Variants in GOSR2 observed in about 807,000 individuals in gnomAD.
GOSR2 encodes the protein golgi SNAP receptor complex member 2, also known as 27 kDa Golgi SNARE protein.
In GOSR2, 20 loss-of-function variants were observed where a neutral mutation model predicts 27.9. The ratio of observed to expected loss-of-function variants is 0.72; its 90% CI spans 0.50 to 1.04. The LOEUF (loss-of-function observed/expected upper bound fraction) is 1.04, where lower values mean the gene tolerates loss of function less well. Ranked by LOEUF, GOSR2 falls within the 50% of genes least tolerant of loss-of-function variation. The pLI is 0.00. For missense variants in GOSR2, 261 were observed against 270.5 expected (o/e 0.97, Z 0.25); for synonymous variants, 91 against 98.8 (o/e 0.92, Z 0.47).
chr17:46,953,309 G>C (rs1311931462), intron 6 of GOSR2, among the ~76,000 whole-genome samples: 2 of 151,340 alleles, frequency 1.3e-5, no homozygotes, highest in Non-Finnish European at 2.9e-5. Flanking sequence ...TTGGTTTTTT[G>C]TCCTTGCAAT....
At chr17:46,943,785 A>G (rs2089577392), downstream of GOSR2, among the ~76,000 whole-genome samples, 1 of 152,238 alleles carries the variant, frequency 6.6e-6, no homozygotes, top group Non-Finnish European at 1.5e-5. Flanking sequence ...TGACTGCAGT[A>G]AAAGAGGAGA....
At chr17:46,925,832 A>G (rs924617853) in intron 1 of GOSR2, among the ~76,000 whole-genome samples, 1 of 152,206 alleles carries the variant, frequency 6.6e-6, no homozygotes, top group Non-Finnish European at 1.5e-5. Context: ...TCCTGAACCT[A>G]CCTGAACAAT....
At chr17:46,961,673 A>C (rs577275926) in intron 6 of GOSR2, among the ~76,000 whole-genome samples, 1 of 152,366 alleles carries the variant, frequency 6.6e-6, no homozygotes, top group East Asian at 1.9e-4. Context: ...TTTTTAAAAA[A>C]GGTCCAGCTG....
At chr17:46,931,323 A>G in intron 3 of GOSR2, 116 bp downstream of exon 3, 1 of 712,236 alleles carries the variant, frequency 1.4e-6, no homozygotes, top group Non-Finnish European at 2.6e-6. Flanking sequence ...AAAAACTATG[A>G]CTATGCAAAG....
chr17:46,924,682 C>A (rs1371492929), intron 1 of GOSR2, among the ~76,000 whole-genome samples: 1 of 152,132 alleles, frequency 6.6e-6, no homozygotes, highest in Non-Finnish European at 1.5e-5. Flanking sequence ...AAATACAGAA[C>A]CTACTTTGTA....
chr17:46,966,143 C>T (rs946194487), intron 6 of GOSR2, among the ~76,000 whole-genome samples: 3 of 152,154 alleles, frequency 2.0e-5, no homozygotes, highest in South Asian at 4.1e-4. Context: ...AGTACTATTT[C>T]GTGATTGAGG....
chr17:46,936,766 T>C (rs2088449926), intron 5 of GOSR2: 1 of 983,140 alleles, frequency 1.0e-6, no homozygotes, highest in Non-Finnish European at 1.2e-6. Context: ...CTGATTGTAT[T>C]GTCACTATCT....
rs2076778766 is a variant in GOSR2, at chr17:46,940,768, T to C, written c.*2008T>C. Reference sequence around the variant, plus strand: ...TGCTGCACCTTCAGAGCCAGTCCTCTAGTTTGGAATAAAAATTGCAGAGGT... The same window carrying C: ...TGCTGCACCTTCAGAGCCAGTCCTCCAGTTTGGAATAAAAATTGCAGAGGT... On this transcript the variant is annotated 3_prime_UTR_variant, in exon 6 of 6. Transcript: ENST00000640051. The C allele has an allele frequency of 6.5e-7, 1 of 1,527,374 alleles. No homozygotes were observed. Among genetic ancestry groups the C allele is most frequent in the African/African-American group, 1.4e-5 (1 of 72,774 alleles). The allele number at this position is 1,527,374 out of a possible 1,614,324, so 94.6% of individuals were successfully genotyped here.
chr17:46,966,731 C>T (rs1386250261), exon 7 of GOSR2: 1 of 470,492 alleles, frequency 2.1e-6, no homozygotes, highest in African/African-American at 2.0e-5. Context: ...GTGACTTGAG[C>T]AATTTGTGCC....
chr17:46,961,780 T>C (rs2091065808), intron 6 of GOSR2, among the ~76,000 whole-genome samples: 1 of 152,132 alleles, frequency 6.6e-6, no homozygotes, highest in African/African-American at 2.4e-5. Flanking sequence ...AAAGCTAGTA[T>C]AGAAATATTA....
intron 5 of GOSR2, chr17:46,938,116 C>G (rs1392292690): frequency 9.7e-6 from 2 of 205,566 alleles, no homozygotes; most frequent in African/African-American, 2.4e-5. Context: ...TCCCACCCAC[C>G]CCTCCCAGAG....
chr17:46,937,159 T>G (rs1412773177), intron 5 of GOSR2: 1 of 152,188 alleles, frequency 6.6e-6, no homozygotes, highest in Non-Finnish European at 1.5e-5. Flanking sequence ...TTTGGGTTGT[T>G]GGTTTAGGAA....
intron 4 of GOSR2, chr17:46,932,613 A>G (rs1405334458): frequency 1.1e-5 from 4 of 363,340 alleles, no homozygotes; most frequent in African/African-American, 8.2e-5. Context: ...GTGTGGCTCC[A>G]GTGTCAGGTG....
chr17:46,932,519 A>G, intron 4 of GOSR2: 1 of 573,388 alleles, frequency 1.7e-6, no homozygotes, highest in Non-Finnish European at 3.1e-6. Context: ...TCAGATAGAG[A>G]CAGATGATTA....
chr17:46,941,430 A>G lies in GOSR2; in HGVS notation c.*2670A>G, dbSNP rs2147096299. On this transcript the variant is annotated 3_prime_UTR_variant, in exon 6 of 6. Transcript: ENST00000640051. ...AATGGCCCCCTTTTTTTATGTTTCT[A>G]GGCCAGAGATTCTCAAACACTGCTC... 1.1e-5 allele frequency: 11 copies of G among 984,288 alleles called. No individual in the cohort carries two copies. The highest frequency in any genetic ancestry group is 5.2e-4 in the Middle Eastern group (1 of 1,910). 61.0% of individuals were successfully genotyped at this position (984,288 alleles called of 1,614,324 possible). A position where few individuals can be genotyped will look rare whatever the true frequency, so the allele number is the denominator to read the frequency against.
At chr17:46,950,039 C>T (rs573085828) in intron 6 of GOSR2, among the ~76,000 whole-genome samples, 12 of 152,358 alleles carry the variant, frequency 7.9e-5, no homozygotes, top group Admixed American at 7.8e-4. Flanking sequence ...AAGAGGAAAC[C>T]AAATCCCAAA....
chr17:46,968,485 A>C (rs528732449), downstream of GOSR2, among the ~76,000 whole-genome samples: 1 of 152,268 alleles, frequency 6.6e-6, no homozygotes, highest in African/African-American at 2.4e-5. Context: ...CACCATCATA[A>C]CACCCTCCAC....
intron 6 of GOSR2, among the ~76,000 whole-genome samples, chr17:46,960,544 T>TA (rs760796624): frequency 6.6e-6 from 1 of 152,180 alleles, no homozygotes; most frequent in African/African-American, 2.4e-5. Context: ...CACACATACA[T>TA]AAAAAAACTC....
chr17:46,936,219 C>G (rs1202355925), intron 5 of GOSR2: 1 of 985,308 alleles, frequency 1.0e-6, no homozygotes, highest in African/African-American at 1.7e-5. Context: ...ATTAGTCTGC[C>G]CTTTCTTTAG....
Sources: gnomAD v4.1 joint callset for allele counts (sites outside exome capture counted in the v4.1 genomes callset) on GRCh38, gnomAD v4.1.1 for gene constraint, MANE v1.5 for transcripts, NCBI Gene and HGNC (gene_info 2026-07-23, HGNC 2026-07-21) for gene names.